The following VAV2 variants were observed in gnomAD, a reference collection of about 807,000 sequenced individuals.
VAV2 encodes the protein guanine nucleotide exchange factor VAV2.
Under a neutral mutation model 132.5 loss-of-function variants are expected in VAV2, and 67 were observed. That is an observed-to-expected ratio of 0.51 (90% CI 0.42 to 0.62). The LOEUF is 0.62. Among genes scored for constraint, VAV2 ranks in the 20% least tolerant of loss-of-function variants. VAV2 has a pLI of 0.00. For synonymous variants in VAV2, 492 were observed against 443.5 expected (o/e 1.11, Z -1.37); for missense variants, 938 against 1,153.6 (o/e 0.81, Z 2.71).
At chr9:133,985,733 C>G (rs146783515) in intron 1 of VAV2, among the ~76,000 whole-genome samples, 1 of 152,280 alleles carries the variant, frequency 6.6e-6, no homozygotes, top group African/African-American at 2.4e-5. Context: ...AAGTCAGGCA[C>G]GGTATTCACA....
intron 1 of VAV2, among the ~76,000 whole-genome samples, chr9:133,980,028 C>T (rs780061132): frequency 2.6e-5 from 4 of 152,350 alleles, no homozygotes; most frequent in East Asian, 1.9e-4. Flanking sequence ...CGAGCCAGTG[C>T]GCGACACACA....
chr9:133,797,573 C>T, intron 10 of VAV2, 137 bp downstream of exon 10: 1 of 783,778 alleles, frequency 1.3e-6, no homozygotes, highest in Non-Finnish European at 2.0e-6. Context: ...GAAAAATCTA[C>T]AAAAAACCAT....
At position 133,884,505 on chromosome 9, in the gene VAV2, T is replaced by C. The variant is rs1047218918; in HGVS notation, c.322-23073A>G. On this transcript the variant is annotated intron_variant, in intron 2 of 29. Coordinates refer to ENST00000371850, the MANE Select transcript of VAV2 (RefSeq NM_001134398.2). The surrounding 1 kb of genome is among the most constrained non-coding windows in gnomAD (Gnocchi z 5.3). The stretch of plus-strand genomic sequence containing the variant: ...GGCGTGGTGGGGACTCCGCAAGCAC[T>C]CAACAGATGCTGGCCCACCCAGGCC... 1.1e-4 allele frequency among the ~76,000 whole-genome samples: 17 copies of C among 151,970 alleles called. No individual in the cohort carries two copies. The highest frequency in any genetic ancestry group is 2.2e-4 in the Non-Finnish European group (15 of 67,974).
chr9:133,789,120 GAAC>G, intron 14 of VAV2, 135 bp downstream of exon 14: 17 of 925,294 alleles, frequency 1.8e-5, no homozygotes, highest in South Asian at 1.6e-5. Flanking sequence ...AATTAAAACT[GAAC>G]AACACAAAGC....
chr9:133,901,906 G>C (rs571540670), intron 2 of VAV2, among the ~76,000 whole-genome samples: 67 of 152,308 alleles, frequency 4.4e-4, no homozygotes, highest in African/African-American at 1.6e-3. Context: ...GGACAGCTGC[G>C]CTCCAGAGGC....
chr9:133,876,023 T>C (rs547936628), intron 2 of VAV2, among the ~76,000 whole-genome samples: 1 of 152,344 alleles, frequency 6.6e-6, no homozygotes, highest in Admixed American at 6.5e-5. Flanking sequence ...ACATCGACGC[T>C]CGTCGTTCTC....
chr9:133,965,138 C>T lies in VAV2; in HGVS notation c.205-25919G>A, dbSNP rs145363332. ...GTAACATTGCAGGATACAAAATTAA[C>T]ATATAGAAAACAGTAGCATTTCCAT... On this transcript the variant is annotated intron_variant, in intron 1 of 29. Coordinates refer to ENST00000371850, the MANE Select transcript of VAV2 (RefSeq NM_001134398.2). Among the ~76,000 whole-genome samples, 318 of 152,000 alleles carry T rather than the reference C, an allele frequency of 2.1e-3. 1 individual carries two copies. The highest frequency in any genetic ancestry group is 7.2e-3 in the African/African-American group (297 of 41,440).
At chr9:133,945,703 C>A (rs575026150) in intron 1 of VAV2, among the ~76,000 whole-genome samples, 102 of 152,320 alleles carry the variant, frequency 6.7e-4, no homozygotes, top group African/African-American at 2.4e-3. Flanking sequence ...GTCTCCAGAT[C>A]GCCTGGCCCA....
rs1254106752 is a variant in VAV2 at position 133,762,325 on chromosome 9, T to C, written c.*1737A>G. 6.6e-6 allele frequency: 1 copy of C among 152,608 alleles called. No homozygotes were observed. The highest frequency in any genetic ancestry group is 2.4e-5 in the African/African-American group (1 of 41,436). The allele number at this position is 152,608 out of a possible 1,614,324, so 9.5% of individuals were successfully genotyped here. A position where few individuals can be genotyped will look rare whatever the true frequency, so the allele number is the denominator to read the frequency against. ...ACATCATTTTCTTGCTATTATAAAA[T>C]CTCTTATTATTCACAGATATATAAC... On this transcript the variant is annotated 3_prime_UTR_variant, in exon 30 of 30. Coordinates refer to ENST00000371850, the MANE Select transcript of VAV2 (RefSeq NM_001134398.2). This position sits in a 1 kb window ranked among gnomAD's most constrained non-coding sequence, Gnocchi z 5.0.
chr9:133,871,542 G>C (rs1339370694), intron 2 of VAV2, among the ~76,000 whole-genome samples: 1 of 151,938 alleles, frequency 6.6e-6, no homozygotes, highest in Admixed American at 6.6e-5. Flanking sequence ...CCGACTCAGA[G>C]AGATCCCTTT....
intron 1 of VAV2, among the ~76,000 whole-genome samples, chr9:133,943,693 G>A (rs1841256442): frequency 6.6e-6 from 1 of 152,194 alleles, no homozygotes; most frequent in Non-Finnish European, 1.5e-5. Flanking sequence ...AGGGGGCATG[G>A]GCTACCCCAC....
chr9:133,918,472 C>T lies in VAV2; in HGVS notation c.321+20631G>A, dbSNP rs1840181125. ...AAGGCGGCAGACTCCTTCTCGGTGG[C>T]ACCCATTGTAAGAGTCAGCCTGGAA... On this transcript the variant is annotated intron_variant, in intron 2 of 29. Transcript: ENST00000371850. The surrounding 1 kb of genome is among the most constrained non-coding windows in gnomAD (Gnocchi z 4.7). 6.9e-6 allele frequency among the ~76,000 whole-genome samples: 1 copy of T among 145,608 alleles called. No individual in the cohort carries two copies. The highest frequency in any genetic ancestry group is 1.5e-5 in the Non-Finnish European group (1 of 67,410).
At chr9:133,890,835 C>T (rs1311358948) in intron 2 of VAV2, among the ~76,000 whole-genome samples, 3 of 152,224 alleles carry the variant, frequency 2.0e-5, no homozygotes, top group South Asian at 4.2e-4. Flanking sequence ...ATATTCAGCA[C>T]GCCTGAGCTG....
chr9:133,882,639 AT>A (rs1335110545), intron 2 of VAV2, among the ~76,000 whole-genome samples: 1 of 152,040 alleles, frequency 6.6e-6, no homozygotes, highest in Non-Finnish European at 1.5e-5. Context: ...TGAGTTTGGA[AT>A]TCTGGCCTCC....
At chr9:133,942,519 T>C (rs1373368760) in intron 1 of VAV2, among the ~76,000 whole-genome samples, 1 of 152,288 alleles carries the variant, frequency 6.6e-6, no homozygotes, top group Non-Finnish European at 1.5e-5. Flanking sequence ...CTCTCGCTCA[T>C]CTGCGCGGCT....
chr9:133,835,693 C>T (rs141229495), intron 3 of VAV2, among the ~76,000 whole-genome samples: 256 of 152,282 alleles, frequency 1.7e-3, no homozygotes, highest in Non-Finnish European at 2.4e-3. Context: ...TTGCTCAGCC[C>T]GAGATCCAGC....
intron 12 of VAV2, among the ~76,000 whole-genome samples, chr9:133,793,284 C>CG (rs1253356728): frequency 2.0e-5 from 3 of 152,210 alleles, no homozygotes; most frequent in Middle Eastern, 3.4e-3. Context: ...CCGAGAGCAG[C>CG]GGGTGGAATT....
At chr9:133,855,418 G>GCA (rs1300880268) in intron 3 of VAV2, among the ~76,000 whole-genome samples, 1 of 152,352 alleles carries the variant, frequency 6.6e-6, no homozygotes, top group South Asian at 2.1e-4. Flanking sequence ...CCTCACCACT[G>GCA]CACAAACAGA....
Position 133,794,336 on chromosome 9 carries a change from C to T in VAV2, c.1101+1332G>A, listed in dbSNP as rs547311605. ...TTCCTGGAGCATTCCTCAGGGTGCT[C>T]GCTGCCCAGTGCAGCCGAGCGGGAA... On this transcript the variant is annotated intron_variant, in intron 12 of 29. Transcript: ENST00000371850. This position sits in a 1 kb window ranked among gnomAD's most constrained non-coding sequence, Gnocchi z 4.6. Among the ~76,000 whole-genome samples, 15 of 152,024 alleles carry T rather than the reference C, an allele frequency of 9.9e-5. No homozygotes were observed. The highest frequency in any genetic ancestry group is 1.3e-4 in the Admixed American group (2 of 15,276).
Sources: allele counts gnomAD v4.1 joint callset (sites outside exome capture counted in the v4.1 genomes callset), GRCh38; gene constraint gnomAD v4.1.1; non-coding constraint Gnocchi (gnomAD v3.1); transcripts MANE v1.5; gene names NCBI Gene and HGNC (gene_info 2026-07-23, HGNC 2026-07-21).